DTNA: variants seen among roughly 807,000 people sequenced by gnomAD.
DTNA encodes dystrobrevin alpha, also known as dystrophin-related protein 3.
DTNA carries 43 observed loss-of-function variants against 100.7 expected under a neutral mutation model. The ratio of observed to expected loss-of-function variants is 0.43; its 90% CI spans 0.33 to 0.55. DTNA has a LOEUF of 0.55. DTNA is among the 20% of genes least tolerant of loss of function. The pLI is 0.04. For synonymous variants in DTNA, 349 were observed against 347.9 expected (o/e 1.00, Z -0.04); for missense variants, 798 against 953.9 (o/e 0.84, Z 2.15).
rs539086886 is a variant in DTNA, at chr18:34,623,854, A to G, written c.-2+130340A>G. Among the ~76,000 whole-genome samples, 8 of 152,312 alleles carry G rather than the reference A, an allele frequency of 5.3e-5. No homozygotes were observed. In the South Asian group the frequency reaches 1.4e-3, roughly 28 times the overall value. The stretch of plus-strand genomic sequence containing the variant: ...GTTCTCTGAAAGCTGCATTTTAAAA[A>G]CTATAATTTGGAAGATCCAAATGTG... On this transcript the variant is annotated intron_variant, in intron 1 of 19. Coordinates refer to the DTNA transcript ENST00000283365.
intron 1 of DTNA, among the ~76,000 whole-genome samples, chr18:34,566,608 C>T (rs2047109919): frequency 6.6e-6 from 1 of 152,194 alleles, no homozygotes; most frequent in Non-Finnish European, 1.5e-5. Flanking sequence ...ATTGTTAGAG[C>T]CGCTGTGCTG....
At chr18:34,690,407 G>A (rs920209159) in intron 1 of DTNA, among the ~76,000 whole-genome samples, 18 of 152,122 alleles carry the variant, frequency 1.2e-4, no homozygotes, top group African/African-American at 2.4e-4. Context: ...AACCTCTTGC[G>A]CTTCCCGGGT....
upstream of DTNA, among the ~76,000 whole-genome samples, chr18:34,706,065 A>G (rs1315381864): frequency 1.3e-5 from 2 of 152,176 alleles, no homozygotes; most frequent in Non-Finnish European, 1.5e-5. Flanking sequence ...CTCCTGCCTC[A>G]GCCTTCCAAG....
rs149042498 is a variant in DTNA, at chr18:34,569,261, A to T, written c.-2+75747A>T. Among the ~76,000 whole-genome samples the T allele has an allele frequency of 9.6e-4, 146 of 152,306 alleles. No homozygotes were observed. In the Middle Eastern group the frequency reaches 0.014, roughly 14 times the overall value. On this transcript the variant is annotated intron_variant, in intron 1 of 19. Coordinates refer to the DTNA transcript ENST00000283365. ...GAAAGGAAAGGAGGAGAGGTTGCAG[A>T]TGTGAGAGAGGAGATCATTATTAGA... is the stretch of plus-strand genomic sequence containing the variant.
At chr18:34,753,370 T>A (rs113478692) in intron 1 of DTNA, among the ~76,000 whole-genome samples, 14 of 93,064 alleles carry the variant, frequency 1.5e-4, no homozygotes, top group African/African-American at 4.9e-4. Context: ...TATTTTATTT[T>A]TTTTTTTTTT....
intron 1 of DTNA, among the ~76,000 whole-genome samples, chr18:34,502,510 T>C (rs2040037650): frequency 6.6e-6 from 1 of 152,216 alleles, no homozygotes; most frequent in Admixed American, 6.5e-5. Flanking sequence ...TAGATTTCCC[T>C]CTCAGTTCTG....
chr18:34,696,651 T>C (rs1257565487), intron 1 of DTNA, among the ~76,000 whole-genome samples: 1 of 152,180 alleles, frequency 6.6e-6, no homozygotes, highest in Admixed American at 6.5e-5. Context: ...ACCCACCTCA[T>C]GCACTGCCAT....
At chr18:34,598,922 A>T (rs17735065) in intron 1 of DTNA, among the ~76,000 whole-genome samples, 1 of 152,232 alleles carries the variant, frequency 6.6e-6, no homozygotes, top group Non-Finnish European at 1.5e-5. Context: ...CTAAAAGCCT[A>T]TGCTAAGCAA....
intron 1 of DTNA, among the ~76,000 whole-genome samples, chr18:34,602,547 A>G (rs1233182639): frequency 6.6e-6 from 1 of 152,166 alleles, no homozygotes; most frequent in East Asian, 1.9e-4. Flanking sequence ...TCACATTTCA[A>G]CACCACAAAA....
chr18:34,544,624 A>T (rs945177945), intron 1 of DTNA, among the ~76,000 whole-genome samples: 2 of 152,126 alleles, frequency 1.3e-5, no homozygotes, highest in African/African-American at 2.4e-5. Flanking sequence ...TCTGCATTGA[A>T]GTTTTATTTA....
intron 6 of DTNA, 126 bp downstream of exon 6, chr18:34,812,239 T>C: frequency 7.2e-7 from 1 of 1,382,426 alleles, no homozygotes; most frequent in Non-Finnish European, 1.0e-6. Context: ...TATTGTATTT[T>C]TCAGCCTCTG....
intron 1 of DTNA, among the ~76,000 whole-genome samples, chr18:34,678,724 G>T (rs924979226): frequency 1.3e-5 from 2 of 152,062 alleles, no homozygotes; most frequent in Non-Finnish European, 2.9e-5. Context: ...CCAGCCATAG[G>T]GTCAGGGATC....
At chr18:34,639,072 CTCAGGTGATCCACCTGCCTCG>C (rs1568090858) in intron 1 of DTNA, among the ~76,000 whole-genome samples, 1 of 152,198 alleles carries the variant, frequency 6.6e-6, no homozygotes, top group Non-Finnish European at 1.5e-5. Context: ...AACTCCTGAC[CTCAGGTGATCCACCTGCCTCG>C]GCCTCCCAGA....
chr18:34,854,365 G>C (rs181031729), intron 15 of DTNA, among the ~76,000 whole-genome samples: 7 of 152,204 alleles, frequency 4.6e-5, no homozygotes, highest in Admixed American at 4.6e-4. Context: ...GTTTTATTTT[G>C]GGTTTTATTT....
chr18:34,656,081 A>G (rs1215218507), intron 1 of DTNA, among the ~76,000 whole-genome samples: 2 of 152,328 alleles, frequency 1.3e-5, no homozygotes, highest in East Asian at 1.9e-4. Context: ...AATATATTTT[A>G]TGTTCTTGAT....
At chr18:34,677,436 A>C (rs2077526520) in intron 1 of DTNA, among the ~76,000 whole-genome samples, 1 of 152,182 alleles carries the variant, frequency 6.6e-6, no homozygotes, top group African/African-American at 2.4e-5. Context: ...AAATCCTAAG[A>C]GGTCCCTAGG....
chr18:34,656,159 C>G (rs1160241813), intron 1 of DTNA, among the ~76,000 whole-genome samples: 1 of 152,110 alleles, frequency 6.6e-6, no homozygotes, highest in Non-Finnish European at 1.5e-5. Flanking sequence ...TTATAGAACC[C>G]TTTTATAAAG....
At chr18:34,621,276 T>TAC (rs1342063302) in intron 1 of DTNA, among the ~76,000 whole-genome samples, 5 of 150,554 alleles carry the variant, frequency 3.3e-5, no homozygotes, top group Admixed American at 3.3e-4. Flanking sequence ...TGTATATATA[T>TAC]ACACACACAT....
intron 1 of DTNA, among the ~76,000 whole-genome samples, chr18:34,504,366 A>T (rs1039613526): frequency 6.6e-6 from 1 of 152,126 alleles, no homozygotes; most frequent in African/African-American, 2.4e-5. Context: ...CAGTGTTATA[A>T]TTTTTGCTTC....
Sources: gnomAD v4.1 joint callset for allele counts (sites outside exome capture counted in the v4.1 genomes callset) on GRCh38, gnomAD v4.1.1 for gene constraint, MANE v1.5 for transcripts, NCBI Gene and HGNC (gene_info 2026-07-23, HGNC 2026-07-21) for gene names.